The following FGGY variants were observed in gnomAD, a reference collection of about 807,000 sequenced individuals.
FGGY encodes the protein FGGY carbohydrate kinase domain-containing protein.
Under a neutral mutation model 71.3 loss-of-function variants are expected in FGGY, and 72 were observed. That is an observed-to-expected ratio of 1.01 (90% CI 0.84 to 1.23). The LOEUF is 1.23. Among genes scored for constraint, FGGY ranks in the 50% most tolerant of loss-of-function variants. The probability of loss-of-function intolerance (pLI) is 0.00; values close to 1 mark genes in which losing one functional copy is unlikely to be tolerated. For missense variants in FGGY, 668 were observed against 682.3 expected (o/e 0.98, Z 0.23); for synonymous variants, 251 against 250.3 (o/e 1.00, Z -0.02).
chr1:59,672,135 T>C (rs1213031951), intron 13 of FGGY, among the ~76,000 whole-genome samples: 1 of 152,208 alleles, frequency 6.6e-6, no homozygotes, highest in Non-Finnish European at 1.5e-5. Context: ...CGGCTTGCAG[T>C]GCTCTCTCCT....
chr1:59,652,000 C>A (rs2097167303), intron 11 of FGGY, among the ~76,000 whole-genome samples: 1 of 149,714 alleles, frequency 6.7e-6, no homozygotes, highest in South Asian at 2.1e-4. Flanking sequence ...TTTATTTCTC[C>A]TTCACTTATG....
intron 5 of FGGY, among the ~76,000 whole-genome samples, chr1:59,431,442 C>T (rs1052063605): frequency 6.6e-6 from 1 of 152,104 alleles, no homozygotes; most frequent in African/African-American, 2.4e-5. Context: ...GCTAGTAATG[C>T]CCTTTCTTAA....
At position 59,339,715 on chromosome 1, in the gene FGGY, G is replaced by A. The variant is rs550779929; in HGVS notation, c.202-243G>A. 2.3e-3 allele frequency among the ~76,000 whole-genome samples: 348 copies of A among 151,314 alleles called. 2 individuals are homozygous for A. The highest frequency in any genetic ancestry group is 8.2e-3 in the African/African-American group (335 of 40,754). ...CCTGACCTTGTGATCTACCCACTTCGGCCTCCCAAAGTGCTGGGATTACAG... is the reference window on the plus strand; with the variant it reads ...CCTGACCTTGTGATCTACCCACTTCAGCCTCCCAAAGTGCTGGGATTACAG... On this transcript the variant is annotated intron_variant, in intron 2 of 15. Coordinates refer to ENST00000303721, the MANE Select transcript of FGGY (RefSeq NM_018291.5).
At chr1:59,696,937 T>C (rs1228112922) in intron 14 of FGGY, among the ~76,000 whole-genome samples, 2 of 151,908 alleles carry the variant, frequency 1.3e-5, no homozygotes, top group African/African-American at 4.8e-5. Flanking sequence ...AGCTCGTTGC[T>C]GATCAAACCA....
intron 6 of FGGY, among the ~76,000 whole-genome samples, chr1:59,459,770 C>A (rs1368295954): frequency 6.6e-6 from 1 of 152,182 alleles, no homozygotes; most frequent in African/African-American, 2.4e-5. Flanking sequence ...ATCCAGGTGC[C>A]ATTTCAGCAT....
chr1:59,660,409 T>A, intron 12 of FGGY, 116 bp downstream of exon 12: 1 of 751,464 alleles, frequency 1.3e-6, no homozygotes, highest in South Asian at 2.2e-5. Flanking sequence ...ATTAAAAGAT[T>A]GTTTGCAAAA....
intron 14 of FGGY, chr1:59,754,634 T>A (rs1233202221): frequency 6.6e-6 from 1 of 152,244 alleles, no homozygotes; most frequent in South Asian, 2.1e-4. Context: ...GCCAGGCTGG[T>A]CTTGAATTCC....
chr1:59,689,364 G>A (rs2097571457), intron 14 of FGGY, among the ~76,000 whole-genome samples: 1 of 152,112 alleles, frequency 6.6e-6, no homozygotes, highest in Non-Finnish European at 1.5e-5. Context: ...TTAACTCCTG[G>A]GAAGGGTCCC....
At chr1:59,318,112 T>C (rs939521376) in intron 1 of FGGY, among the ~76,000 whole-genome samples, 4 of 152,166 alleles carry the variant, frequency 2.6e-5, no homozygotes, top group African/African-American at 9.7e-5. Flanking sequence ...TTACTGTCAA[T>C]TGTATTACTG....
At chr1:59,622,973 A>T (rs2096824473) in intron 9 of FGGY, among the ~76,000 whole-genome samples, 1 of 152,178 alleles carries the variant, frequency 6.6e-6, no homozygotes, top group Non-Finnish European at 1.5e-5. Context: ...TCATTCATTC[A>T]TTAGAGATGT....
chr1:59,546,380 A>G (rs958109336), intron 7 of FGGY, among the ~76,000 whole-genome samples: 2 of 146,820 alleles, frequency 1.4e-5, no homozygotes, highest in African/African-American at 2.6e-5. Flanking sequence ...CATCTCATGT[A>G]GAAAAAGACC....
At chr1:59,467,635 C>T (rs1279976711) in intron 6 of FGGY, among the ~76,000 whole-genome samples, 1 of 151,912 alleles carries the variant, frequency 6.6e-6, no homozygotes, top group Non-Finnish European at 1.5e-5. Context: ...TTGTCTTTTA[C>T]TGCCTCTACT....
chr1:59,710,403 TA>T (rs1295385011), intron 14 of FGGY, among the ~76,000 whole-genome samples: 1 of 152,134 alleles, frequency 6.6e-6, no homozygotes, highest in Non-Finnish European at 1.5e-5. Context: ...ACTTCATGAC[TA>T]AAACACCGAA....
chr1:59,572,787 C>T (rs941837388), intron 8 of FGGY, among the ~76,000 whole-genome samples: 1 of 152,154 alleles, frequency 6.6e-6, no homozygotes. Context: ...CACCCAAACT[C>T]CTAAGATGAG....
At chr1:59,621,443 G>T (rs1572209923) in intron 9 of FGGY, among the ~76,000 whole-genome samples, 2 of 103,090 alleles carry the variant, frequency 1.9e-5, no homozygotes, top group East Asian at 3.0e-4. Context: ...TAAAGAACTT[G>T]TCTTAGCCTC....
At chr1:59,436,575 G>A (rs1232626546) in intron 5 of FGGY, among the ~76,000 whole-genome samples, 1 of 152,132 alleles carries the variant, frequency 6.6e-6, no homozygotes, top group Non-Finnish European at 1.5e-5. Flanking sequence ...ATGAATAAAT[G>A]AATAAATAAA....
chr1:59,685,048 T>C (rs1211570502), intron 14 of FGGY, among the ~76,000 whole-genome samples: 2 of 152,206 alleles, frequency 1.3e-5, no homozygotes, highest in East Asian at 1.9e-4. Context: ...GTCATCTAGA[T>C]GGTTAGTGGC....
chr1:59,609,063 G>A (rs1162767560), intron 9 of FGGY, among the ~76,000 whole-genome samples: 1 of 152,158 alleles, frequency 6.6e-6, no homozygotes, highest in Non-Finnish European at 1.5e-5. Flanking sequence ...TTGGTGCTGA[G>A]CCTTAAAAGA....
intron 14 of FGGY, among the ~76,000 whole-genome samples, chr1:59,676,118 AC>A (rs1461081009): frequency 6.6e-6 from 1 of 151,990 alleles, no homozygotes; most frequent in Non-Finnish European, 1.5e-5. Context: ...TCTGTTGTTT[AC>A]CCAGTCTATG....
Sources: gnomAD v4.1 joint callset for allele counts (sites outside exome capture counted in the v4.1 genomes callset) on GRCh38, gnomAD v4.1.1 for gene constraint, MANE v1.5 for transcripts, NCBI Gene and HGNC (gene_info 2026-07-23, HGNC 2026-07-21) for gene names.